Variants in ZNF334 observed in about 807,000 individuals in gnomAD.
ZNF334 encodes zinc finger protein 334.
In ZNF334, 14 loss-of-function variants were observed where a neutral mutation model predicts 12.4. The observed-to-expected ratio is 1.13, with a 90% CI of 0.74 to 1.76. The LOEUF is 1.76. ZNF334 is among the 40% of genes most tolerant of loss of function. The pLI is 0.00. For missense variants in ZNF334, 797 were observed against 804.5 expected (o/e 0.99, Z 0.11); for synonymous variants, 273 against 269.6 (o/e 1.01, Z -0.12).
chr20:46,495,231 C>T (rs1044615275), downstream of ZNF334, among the ~76,000 whole-genome samples: 9 of 151,662 alleles, frequency 5.9e-5, no homozygotes, highest in East Asian at 1.2e-3. Flanking sequence ...TCTAACAGAG[C>T]GTTTGTGGAT....
In ZNF334 at chr20:46,512,137, A is replaced by C. The variant is rs767628013; in HGVS notation, c.-35T>G. ...AGAAAGGGCCAAGAGTGTTGAAAGC[A>C]GAGCTGGGTAAGGAAGAATGGCGAA... On this transcript the variant is annotated 5_prime_UTR_variant, in exon 2 of 5. Coordinates refer to ENST00000692313, the MANE Select transcript of ZNF334 (RefSeq NM_001353824.2). The C allele has an allele frequency of 8.7e-6, 14 of 1,613,164 alleles. No individual in the cohort carries two copies. The South Asian group carries it at 1.5e-4, about 18-fold the overall frequency.
chr20:46,502,703 A>T lies in ZNF334; in HGVS notation c.636T>A (p.Asn212Lys). ...IQILKQPFDY[N>K]KCGKTFFKRA... ...TCTTGAAGAAGGTTTTCCCACATTT[A>T]TTATAGTCAAACGGTTGTTTCAAAA... The change falls in exon 5 of 5, where the codon AAT becomes AAA. Residue 212 changes from asparagine (N) to lysine (K), a missense_variant. Coordinates refer to ENST00000692313, the MANE Select transcript of ZNF334 (RefSeq NM_001353824.2). The T allele has an allele frequency of 6.2e-7, 1 of 1,613,288 alleles. No individual in the cohort carries two copies. The highest frequency in any genetic ancestry group is 8.5e-7 in the Non-Finnish European group (1 of 1,179,958).
chr20:46,507,777 G>T (rs553622948), intron 2 of ZNF334, among the ~76,000 whole-genome samples: 1 of 152,080 alleles, frequency 6.6e-6, no homozygotes, highest in East Asian at 1.9e-4. Context: ...GGCCTTTCCC[G>T]CTATCACCAC....
At chr20:46,489,806 A>C in the ZNF334 span, among the ~76,000 whole-genome samples, 1 of 152,200 alleles carries the variant, frequency 6.6e-6, no homozygotes, top group African/African-American at 2.4e-5. Context: ...CTATATCTAT[A>C]CATTTTTCTA....
At chr20:46,463,118 A>G in the ZNF334 span, among the ~76,000 whole-genome samples, 1 of 152,262 alleles carries the variant, frequency 6.6e-6, no homozygotes, top group African/African-American at 2.4e-5. Context: ...ATGGTGGTGC[A>G]TGCCTGCAGT....
the ZNF334 span, among the ~76,000 whole-genome samples, chr20:46,488,419 T>TTATATATATATATATATGTA: frequency 9.8e-6 from 1 of 102,242 alleles, no homozygotes; most frequent in African/African-American, 4.3e-5. Flanking sequence ...AGCTCTTATT[T>TTATATATATATATATATGTA]TATATATATA....
chr20:46,495,976 A>T (rs2061016032), downstream of ZNF334, among the ~76,000 whole-genome samples: 1 of 152,160 alleles, frequency 6.6e-6, no homozygotes, highest in Non-Finnish European at 1.5e-5. Flanking sequence ...CTGGAGGAAG[A>T]TCTGCATGAT....
the ZNF334 span, chr20:46,464,764 G>A: frequency 5.8e-6 from 3 of 514,830 alleles, no homozygotes; most frequent in Non-Finnish European, 1.2e-5. Context: ...GTACGCTGCA[G>A]TAGAGTTGCC....
chr20:46,497,078 C>G (rs953565024), downstream of ZNF334, among the ~76,000 whole-genome samples: 2 of 152,172 alleles, frequency 1.3e-5, no homozygotes, highest in African/African-American at 4.8e-5. Context: ...CTCTGCTGCT[C>G]TGATTGAACT....
chr20:46,474,245 T>C, the ZNF334 span, among the ~76,000 whole-genome samples: 1 of 152,084 alleles, frequency 6.6e-6, no homozygotes, highest in East Asian at 1.9e-4. Context: ...TGGTGGCATG[T>C]GCCTGTAATC....
the ZNF334 span, among the ~76,000 whole-genome samples, chr20:46,470,592 T>C: frequency 6.6e-6 from 1 of 152,180 alleles, no homozygotes; most frequent in Non-Finnish European, 1.5e-5. Context: ...ATAAACACTA[T>C]ATTTTTATGC....
At position 46,502,840 on chromosome 20, in the gene ZNF334, C is replaced by T. The variant is rs755343028; in HGVS notation, c.499G>A (p.Gly167Arg). ...ENRKIPDGYS[G>R]FGKHEKSHLG... ...TGACTTTTCTCATGCTTCCCAAATC[C>T]ACTGTATCCATCAGGAATCTTTCTG... is the stretch of plus-strand genomic sequence containing the variant. Residue 167 changes from glycine to arginine, a missense_variant, in exon 5 of 5, where the codon GGA becomes AGA. Physicochemically the swap from Gly to Arg is moderately radical, Grantham distance 125. Transcript: ENST00000692313. 1.9e-6 allele frequency: 3 copies of T among 1,613,840 alleles called. No individual in the cohort carries two copies. Among genetic ancestry groups the T allele is most frequent in the East Asian group, 2.2e-5 (1 of 44,872 alleles).
At chr20:46,484,595 A>G in the ZNF334 span, 1 of 167,478 alleles carries the variant, frequency 6.0e-6, no homozygotes, top group Non-Finnish European at 1.5e-5. Context: ...TGGGTAAGGA[A>G]GGTCTTGTTA....
chr20:46,512,342 G>A (rs1242899100), intron 1 of ZNF334, among the ~76,000 whole-genome samples, 198 bp downstream of exon 1: 4 of 152,192 alleles, frequency 2.6e-5, no homozygotes, highest in Non-Finnish European at 5.9e-5. Flanking sequence ...CTGAGTGAGT[G>A]TCAACAAATG....
intron 3 of ZNF334, 147 bp downstream of exon 3, chr20:46,504,467 T>TAC: frequency 8.5e-7 from 1 of 1,174,648 alleles, no homozygotes; most frequent in South Asian, 1.5e-5. Context: ...GGGCAGTGAA[T>TAC]ACATACACAA....
chr20:46,471,970 T>G, the ZNF334 span, among the ~76,000 whole-genome samples: 1 of 152,362 alleles, frequency 6.6e-6, no homozygotes, highest in South Asian at 2.1e-4. Flanking sequence ...TTGCTAGGAT[T>G]TTGACAGGGA....
chr20:46,484,836 A>G, the ZNF334 span, among the ~76,000 whole-genome samples: 1 of 152,202 alleles, frequency 6.6e-6, no homozygotes, highest in Non-Finnish European at 1.5e-5. Context: ...TATGCCTAAG[A>G]AACAGCTGGG....
At chr20:46,507,545 T>C (rs1015720868) in intron 2 of ZNF334, among the ~76,000 whole-genome samples, 6 of 152,184 alleles carry the variant, frequency 3.9e-5, no homozygotes, top group African/African-American at 1.2e-4. Flanking sequence ...GGAAGCGAGG[T>C]GAAGGAAACA....
chr20:46,476,118 G>A, the ZNF334 span: 4 of 152,060 alleles, frequency 2.6e-5, no homozygotes, highest in African/African-American at 9.7e-5. Flanking sequence ...GAATCTCCAG[G>A]GAATTATGTT....
Sources: gnomAD v4.1 joint callset for allele counts (sites outside exome capture counted in the v4.1 genomes callset) on GRCh38, gnomAD v4.1.1 for gene constraint, MANE v1.5 for transcripts, NCBI Gene and HGNC (gene_info 2026-07-23, HGNC 2026-07-21) for gene names.